The following ABCA13 variants were observed in gnomAD, a reference collection of about 807,000 sequenced individuals.
ABCA13 encodes the protein ATP binding cassette subfamily A member 13.
Under a neutral mutation model 478.7 loss-of-function variants are expected in ABCA13, and 476 were observed. The observed-to-expected ratio is 0.99, with a 90% CI of 0.92 to 1.07. ABCA13 has a LOEUF of 1.07. Ranked by LOEUF, ABCA13 falls within the 50% of genes least tolerant of loss-of-function variation. The pLI is 0.00. For synonymous variants in ABCA13, 2,252 were observed against 2,158.9 expected (o/e 1.04, Z -1.20); for missense variants, 6,060 against 5,910.6 (o/e 1.03, Z -0.83).
chr7:48,590,269 C>A (rs1789584441), intron 57 of ABCA13, among the ~76,000 whole-genome samples: 1 of 119,284 alleles, frequency 8.4e-6, no homozygotes. Context: ...AATAATATTT[C>A]ATTACACACA....
At chr7:48,369,801 A>G (rs1812348719) in intron 32 of ABCA13, among the ~76,000 whole-genome samples, 1 of 152,116 alleles carries the variant, frequency 6.6e-6, no homozygotes, top group African/African-American at 2.4e-5. Context: ...ATGTCCTTAT[A>G]GTATAGTTTG....
At chr7:48,431,516 G>T (rs1250187225) in intron 42 of ABCA13, among the ~76,000 whole-genome samples, 1 of 152,164 alleles carries the variant, frequency 6.6e-6, no homozygotes, top group Non-Finnish European at 1.5e-5. Flanking sequence ...TATTTAGTTT[G>T]TGTGTAGTGG....
At chr7:48,460,007 T>G (rs1826078042) in intron 43 of ABCA13, among the ~76,000 whole-genome samples, 1 of 152,100 alleles carries the variant, frequency 6.6e-6, no homozygotes, top group Non-Finnish European at 1.5e-5. Flanking sequence ...CACTGTCTGC[T>G]GAGTTTGTTC....
At chr7:48,262,243 C>G (rs1794288344) in intron 15 of ABCA13, among the ~76,000 whole-genome samples, 1 of 151,912 alleles carries the variant, frequency 6.6e-6, no homozygotes, top group East Asian at 1.9e-4. Context: ...GGTTTTATTT[C>G]TTCAGACTAG....
intron 3 of ABCA13, among the ~76,000 whole-genome samples, chr7:48,208,228 T>A (rs1039180926): frequency 6.6e-6 from 1 of 152,186 alleles, no homozygotes; most frequent in Non-Finnish European, 1.5e-5. Flanking sequence ...GGTAATGTGA[T>A]GCCATCAGCT....
At chr7:48,329,553 C>T (rs1804876455) in intron 27 of ABCA13, among the ~76,000 whole-genome samples, 1 of 152,108 alleles carries the variant, frequency 6.6e-6, no homozygotes, top group African/African-American at 2.4e-5. Context: ...TCTTTTCCTC[C>T]CATCCGTCCA....
At position 48,487,342 on chromosome 7, in the gene ABCA13, A is replaced by G. The variant is rs913506298; in HGVS notation, c.13183-1894A>G. On this transcript the variant is annotated intron_variant, in intron 47 of 61. Coordinates refer to ENST00000435803, the MANE Select transcript of ABCA13 (RefSeq NM_152701.5). ...AACAAAACAAAACAAAACAAAAAAAACAAACAAACACAAACAGAAGTCTCA... is the reference window on the plus strand; with the variant it reads ...AACAAAACAAAACAAAACAAAAAAAGCAAACAAACACAAACAGAAGTCTCA... Among the ~76,000 whole-genome samples, 166 of 143,192 alleles carry G rather than the reference A, an allele frequency of 1.2e-3. 4 individuals are homozygous for G. Among genetic ancestry groups the G allele is most frequent in the African/African-American group, 4.2e-3 (156 of 37,210 alleles). 93.9% of individuals were successfully genotyped at this position (143,192 alleles called of 152,430 possible). A position where few individuals can be genotyped will look rare whatever the true frequency, so the allele number is the denominator to read the frequency against.
At chr7:48,189,032 T>C (rs1281641736) in intron 1 of ABCA13, among the ~76,000 whole-genome samples, 1 of 152,144 alleles carries the variant, frequency 6.6e-6, no homozygotes, top group East Asian at 1.9e-4. Context: ...TAACTGCTAA[T>C]AGGTTTACCA....
intron 31 of ABCA13, among the ~76,000 whole-genome samples, chr7:48,362,080 G>T (rs1294556610): frequency 2.0e-5 from 3 of 151,930 alleles, no homozygotes; most frequent in Admixed American, 6.5e-5. Flanking sequence ...TGAATGATTT[G>T]TAGACACTTG....
chr7:48,400,185 C>A (rs995618843), intron 38 of ABCA13, among the ~76,000 whole-genome samples: 8 of 152,202 alleles, frequency 5.3e-5, no homozygotes, highest in Non-Finnish European at 8.8e-5. Context: ...CATTACCCTA[C>A]TTACCTATAC....
intron 1 of ABCA13, among the ~76,000 whole-genome samples, chr7:48,190,658 C>T (rs749128419): frequency 6.6e-6 from 1 of 152,034 alleles, no homozygotes; most frequent in Non-Finnish European, 1.5e-5. Context: ...GAAAAACATG[C>T]AAATTTTCAT....
chr7:48,318,989 A>G (rs1246280113), intron 27 of ABCA13, among the ~76,000 whole-genome samples: 2 of 152,192 alleles, frequency 1.3e-5, no homozygotes, highest in Non-Finnish European at 2.9e-5. Flanking sequence ...GAAGGCAAAT[A>G]GCTGAAGAAA....
Position 48,614,585 on chromosome 7 carries a change from C to T in ABCA13, c.14745-700C>T, listed in dbSNP as rs1042195479. Among the ~76,000 whole-genome samples the T allele has an allele frequency of 3.5e-4, 53 of 150,978 alleles. 1 individual carries two copies. The highest frequency in any genetic ancestry group is 1.3e-3 in the African/African-American group (53 of 41,412). ...ATGCTGCTATAAAGACACATGCACA[C>T]GTATGTTTATTGTGGCACTGTTCAC... is the stretch of plus-strand genomic sequence containing the variant. On this transcript the variant is annotated intron_variant, in intron 58 of 61. Transcript: ENST00000435803.
intron 31 of ABCA13, 47 bp downstream of exon 31, chr7:48,352,534 A>G (rs749027473): frequency 4.7e-6 from 7 of 1,496,788 alleles, no homozygotes; most frequent in Non-Finnish European, 6.2e-6. Flanking sequence ...AGGGCCTTGC[A>G]TTTGTCTAGC....
intron 57 of ABCA13, among the ~76,000 whole-genome samples, chr7:48,588,601 T>C (rs1346583674): frequency 3.3e-5 from 5 of 152,222 alleles, no homozygotes; most frequent in Non-Finnish European, 5.9e-5. Context: ...TGCCCAACAC[T>C]TGGCCTTGTA....
chr7:48,495,375 G>T (rs773657512), intron 48 of ABCA13, among the ~76,000 whole-genome samples: 3 of 152,008 alleles, frequency 2.0e-5, no homozygotes, highest in Non-Finnish European at 4.4e-5. Flanking sequence ...ACTGATTTCT[G>T]GTTTGGTTCA....
chr7:48,462,113 A>G (rs1040843294), intron 43 of ABCA13, among the ~76,000 whole-genome samples: 6 of 152,140 alleles, frequency 3.9e-5, no homozygotes, highest in African/African-American at 1.4e-4. Context: ...TGGAGAAGAG[A>G]AAGTTTCTTC....
At chr7:48,412,330 T>A (rs745846592) in intron 40 of ABCA13, 23 bp from the exon 41 acceptor site, 1 of 1,578,432 alleles carries the variant, frequency 6.3e-7, no homozygotes, top group Admixed American at 1.8e-5. Context: ...ACTGGCTTCT[T>A]TTTTCCTTTT....
rs1197851144 is a variant in ABCA13, at chr7:48,619,825, G to A, written c.14837+4448G>A. On this transcript the variant is annotated intron_variant, in intron 59 of 61. Transcript: ENST00000435803. ...GTCTTGGGAAGCAGCAAGACAGGTA[G>A]ACCTCTGCAACATTACTCCCCAGAC... 3.9e-5 allele frequency among the ~76,000 whole-genome samples: 6 copies of A among 152,242 alleles called. No individual in the cohort carries two copies. In the East Asian group the frequency reaches 1.2e-3, roughly 29 times the overall value.
Sources: gnomAD v4.1 joint callset for allele counts (sites outside exome capture counted in the v4.1 genomes callset) on GRCh38, gnomAD v4.1.1 for gene constraint, MANE v1.5 for transcripts, NCBI Gene and HGNC (gene_info 2026-07-23, HGNC 2026-07-21) for gene names.